Variants in NCK1 observed in about 807,000 individuals in gnomAD.
NCK1 encodes the protein NCK adaptor protein 1.
In NCK1, 19 loss-of-function variants were observed where a neutral mutation model predicts 36.6. That is an observed-to-expected ratio of 0.52 (90% confidence interval 0.36 to 0.76). The LOEUF (loss-of-function observed/expected upper bound fraction) is 0.76, where lower values mean the gene tolerates loss of function less well. Among genes scored for constraint, NCK1 ranks in the 30% least tolerant of loss-of-function variants. The pLI, the probability that NCK1 is intolerant of heterozygous loss-of-function variation, is 0.00. For synonymous variants in NCK1, 165 were observed against 156.0 expected (o/e 1.06, Z -0.43); for missense variants, 358 against 445.6 (o/e 0.80, Z 1.77).
chr3:136,908,317 TAGAAC>T (rs1939740435), intron 1 of NCK1, among the ~76,000 whole-genome samples: 1 of 152,216 alleles, frequency 6.6e-6, no homozygotes, highest in Non-Finnish European at 1.5e-5. Context: ...TTAAAAATAT[TAGAAC>T]AGATCATGTA....
At chr3:136,928,269 A>C in intron 2 of NCK1, 42 bp downstream of exon 2, 1 of 1,524,694 alleles carries the variant, frequency 6.6e-7, no homozygotes, top group Non-Finnish European at 8.9e-7. Flanking sequence ...GTTTTAAATG[A>C]AACCTGCAAC....
chr3:136,908,288 A>T (rs1168232237), intron 1 of NCK1, among the ~76,000 whole-genome samples: 1 of 152,228 alleles, frequency 6.6e-6, no homozygotes, highest in Non-Finnish European at 1.5e-5. Context: ...TAATAATTAA[A>T]GTACTTTTAA....
intron 1 of NCK1, among the ~76,000 whole-genome samples, chr3:136,897,008 A>G (rs1254340315): frequency 1.3e-5 from 2 of 152,120 alleles, no homozygotes; most frequent in African/African-American, 4.8e-5. Context: ...AGTATGTACT[A>G]ATTTACATTC....
chr3:136,945,668 C>G lies in NCK1; in HGVS notation c.312C>G (p.Leu104=), dbSNP rs764250587. ...DDSFVDPGER[L]YDLNMPAYVK... ...GTTTTGTTGACCCAGGGGAACGTCTCTATGACCTCAACATGCCCGCTTATG... is the reference window on the plus strand; with the variant it reads ...GTTTTGTTGACCCAGGGGAACGTCTGTATGACCTCAACATGCCCGCTTATG... The change falls in exon 3 of 4, where the codon CTC becomes CTG. Residue 104 remains leucine (L), a synonymous_variant. Transcript: ENST00000481752. 6 of 1,614,018 alleles carry G rather than the reference C, an allele frequency of 3.7e-6. No individual in the cohort carries two copies. Among genetic ancestry groups the G allele is most frequent in the Non-Finnish European group, 5.1e-6 (6 of 1,180,018 alleles).
chr3:136,937,827 G>T (rs1383961247), intron 2 of NCK1, among the ~76,000 whole-genome samples: 4 of 152,140 alleles, frequency 2.6e-5, no homozygotes, highest in African/African-American at 9.7e-5. Flanking sequence ...CTGTGTGAGT[G>T]TGTGGGTGTG....
At chr3:136,913,881 G>T (rs1326021677) in intron 1 of NCK1, among the ~76,000 whole-genome samples, 1 of 152,164 alleles carries the variant, frequency 6.6e-6, no homozygotes, top group Non-Finnish European at 1.5e-5. Flanking sequence ...TGTTAGCCAG[G>T]ATGGTCTCGA....
intron 1 of NCK1, among the ~76,000 whole-genome samples, chr3:136,866,862 G>T (rs1421043169): frequency 6.7e-6 from 1 of 149,656 alleles, no homozygotes; most frequent in Admixed American, 6.6e-5. Flanking sequence ...ATCCACATGC[G>T]TCGGCTTCCC....
chr3:136,945,273 A>G (rs978986998), intron 2 of NCK1, among the ~76,000 whole-genome samples: 8 of 152,158 alleles, frequency 5.3e-5, no homozygotes, highest in African/African-American at 1.9e-4. Flanking sequence ...CTATATTTAC[A>G]TTTAAGAGGG....
intron 1 of NCK1, among the ~76,000 whole-genome samples, chr3:136,912,653 CTT>C (rs916471090): frequency 3.5e-5 from 5 of 143,910 alleles, no homozygotes; most frequent in Non-Finnish European, 3.1e-5. Context: ...TTTCCCTCCT[CTT>C]TTTTTTTTTT....
intron 1 of NCK1, among the ~76,000 whole-genome samples, chr3:136,910,378 T>C (rs1350187704): frequency 2.6e-5 from 4 of 152,242 alleles, no homozygotes; most frequent in Non-Finnish European, 4.4e-5. Context: ...TTGTCTCTTA[T>C]GTAGAAAATA....
chr3:136,880,674 G>T (rs1938908667), intron 1 of NCK1, among the ~76,000 whole-genome samples: 2 of 152,108 alleles, frequency 1.3e-5, no homozygotes, highest in African/African-American at 2.4e-5. Context: ...TGTGACCCAT[G>T]CTAGAGTGCA....
At chr3:136,909,588 T>A (rs1030087571) in intron 1 of NCK1, among the ~76,000 whole-genome samples, 2 of 152,318 alleles carry the variant, frequency 1.3e-5, no homozygotes, top group Admixed American at 6.5e-5. Context: ...TGTTGGATAG[T>A]GTTCTCTGAT....
intron 1 of NCK1, among the ~76,000 whole-genome samples, chr3:136,888,176 C>G (rs554280598): frequency 6.6e-6 from 1 of 152,194 alleles, no homozygotes; most frequent in South Asian, 2.1e-4. Flanking sequence ...AACTCCTGAC[C>G]TCGTGATCTG....
chr3:136,900,273 A>T (rs1482834248), intron 1 of NCK1, among the ~76,000 whole-genome samples: 2 of 152,040 alleles, frequency 1.3e-5, no homozygotes, highest in Non-Finnish European at 2.9e-5. Flanking sequence ...TTATTTCTGA[A>T]TTATCTGTTT....
chr3:136,866,718 A>G (rs1938424769), intron 1 of NCK1, among the ~76,000 whole-genome samples: 2 of 150,898 alleles, frequency 1.3e-5, no homozygotes, highest in South Asian at 4.2e-4. Flanking sequence ...GGTTCAAGTG[A>G]TTCTCCTGTG....
chr3:136,948,401 T>G lies in NCK1; in HGVS notation c.1082T>G (p.Ile361Ser). ...ELVEHYKKAP[I>S]FTSEQGEKLY... ...GTAGAACATTACAAAAAGGCACCAA[T>G]TTTTACAAGTGAACAAGGAGAAAAA... The change falls in exon 4 of 4, where the codon ATT (isoleucine) becomes AGT (serine). Residue 361 changes from isoleucine (I) to serine (S), a missense_variant. This residue lies in a region of NCK1 where 207 missense variants were observed against 253.4 expected (regional missense o/e 0.82). Coordinates refer to ENST00000481752, the MANE Select transcript of NCK1 (RefSeq NM_001291999.2). 6.2e-7 allele frequency: 1 copy of G among 1,613,038 alleles called. No individual in the cohort carries two copies. The highest frequency in any genetic ancestry group is 8.5e-7 in the Non-Finnish European group (1 of 1,179,232).
At chr3:136,871,139 GTAATCCTGCA>G in intron 1 of NCK1, among the ~76,000 whole-genome samples, 1 of 151,734 alleles carries the variant, frequency 6.6e-6, no homozygotes, top group East Asian at 1.9e-4. Context: ...GCTTATGCTT[GTAATCCTGCA>G]CTTTGGGAGG....
intron 1 of NCK1, among the ~76,000 whole-genome samples, chr3:136,863,913 G>C (rs1407516016): frequency 6.8e-6 from 1 of 147,932 alleles, no homozygotes; most frequent in Admixed American, 6.7e-5. Context: ...CACCCTAGCA[G>C]ACACGGTGAA....
At chr3:136,866,709 G>A (rs1295858620) in intron 1 of NCK1, among the ~76,000 whole-genome samples, 1 of 151,596 alleles carries the variant, frequency 6.6e-6, no homozygotes, top group African/African-American at 2.4e-5. Context: ...CGTCTCCTTG[G>A]TTCAAGTGAT....
Sources: allele counts gnomAD v4.1 joint callset (sites outside exome capture counted in the v4.1 genomes callset), GRCh38; gene constraint gnomAD v4.1.1; regional missense constraint gnomAD v4.1.1; transcripts MANE v1.5; gene names NCBI Gene and HGNC (gene_info 2026-07-23, HGNC 2026-07-21).